The following PLEKHA7 variants were observed in gnomAD, a reference collection of about 807,000 sequenced individuals.
PLEKHA7 encodes pleckstrin homology domain containing A7, also known as pleckstrin homology domain-containing family A member 7.
Under a neutral mutation model 170.0 loss-of-function variants are expected in PLEKHA7, and 104 were observed. The observed-to-expected ratio is 0.61, with a 90% CI of 0.52 to 0.72. The LOEUF (loss-of-function observed/expected upper bound fraction) is 0.72. Among genes scored for constraint, PLEKHA7 ranks in the 30% least tolerant of loss-of-function variants. The pLI is 0.00. For synonymous variants in PLEKHA7, 648 were observed against 660.8 expected, an observed-to-expected ratio of 0.98 and a Z score of 0.30; for missense variants, 1,615 against 1,671.7, an observed-to-expected ratio of 0.97 and a Z score of 0.59.
At chr11:16,855,980 C>G (rs1853417965) in intron 4 of PLEKHA7, 66 bp from the exon 5 acceptor site, 11 of 1,339,146 alleles carry the variant, frequency 8.2e-6, no homozygotes, top group Middle Eastern at 1.8e-4. Flanking sequence ...GCAGTAAGAT[C>G]AGTTCCAGGT....
chr11:16,867,193 C>T (rs1854464347), intron 4 of PLEKHA7, among the ~76,000 whole-genome samples: 5 of 152,194 alleles, frequency 3.3e-5, no homozygotes, highest in Admixed American at 2.6e-4. Context: ...TAAACTCTTA[C>T]CTGCATCAGA....
chr11:16,928,918 TAAATA>T lies in PLEKHA7; in HGVS notation c.222-57741_222-57737del, dbSNP rs563147256. 1.7e-3 allele frequency among the ~76,000 whole-genome samples: 263 copies of T among 152,210 alleles called. 1 individual carries two copies. Among genetic ancestry groups the T allele is most frequent in the African/African-American group, 5.9e-3 (246 of 41,518 alleles). ...AAAGTTCAGTTAATAAATAAATAAA[TAAATA>T]AAAGACTACTAGAGGGATATTTACC... On this transcript the variant is annotated intron_variant, in intron 3 of 26. Coordinates refer to ENST00000531066, the MANE Select transcript of PLEKHA7 (RefSeq NM_001329630.2).
At chr11:16,779,378 T>C (rs1233437660) in intron 26 of PLEKHA7, among the ~76,000 whole-genome samples, 1 of 152,210 alleles carries the variant, frequency 6.6e-6, no homozygotes, top group Non-Finnish European at 1.5e-5. Context: ...ATGGTGGTCA[T>C]ACCCACTTCT....
At chr11:16,783,576 G>A (rs1428143899) in intron 25 of PLEKHA7, 124 bp downstream of exon 25, 3 of 1,112,804 alleles carry the variant, frequency 2.7e-6, no homozygotes, top group Non-Finnish European at 3.5e-6. Context: ...CAATGAGTAG[G>A]GCTTACCTGA....
At chr11:16,887,296 C>T (rs968518582) in intron 3 of PLEKHA7, among the ~76,000 whole-genome samples, 3 of 120,310 alleles carry the variant, frequency 2.5e-5, no homozygotes, top group Non-Finnish European at 5.9e-5. Context: ...AAAATATAAA[C>T]CTCAACCTCT....
At chr11:16,931,378 C>A (rs2136326509) in intron 3 of PLEKHA7, among the ~76,000 whole-genome samples, 1 of 152,256 alleles carries the variant, frequency 6.6e-6, no homozygotes, top group South Asian at 2.1e-4. Flanking sequence ...ATATACCTGT[C>A]TACCTTTACC....
chr11:16,824,940 T>C (rs773670721), intron 10 of PLEKHA7, among the ~76,000 whole-genome samples: 2 of 152,098 alleles, frequency 1.3e-5, no homozygotes, highest in Admixed American at 6.5e-5. Context: ...CCTCAGACAG[T>C]AGCTTTCTGT....
chr11:16,863,099 A>G (rs934825396), intron 4 of PLEKHA7, among the ~76,000 whole-genome samples: 2 of 152,146 alleles, frequency 1.3e-5, no homozygotes, highest in African/African-American at 4.8e-5. Flanking sequence ...TGCAGAAGGA[A>G]TAGGAGACAG....
At chr11:16,903,731 GA>G (rs1857483485) in intron 3 of PLEKHA7, among the ~76,000 whole-genome samples, 1 of 152,192 alleles carries the variant, frequency 6.6e-6, no homozygotes, top group Admixed American at 6.5e-5. Flanking sequence ...CCTCCAGGCA[GA>G]AATAGAGACA....
At chr11:16,984,822 T>A (rs531174505) in intron 3 of PLEKHA7, among the ~76,000 whole-genome samples, 1 of 152,322 alleles carries the variant, frequency 6.6e-6, no homozygotes, top group East Asian at 1.9e-4. Flanking sequence ...ACTCAATAAA[T>A]ATTCATTTAA....
chr11:16,887,055 T>G (rs937072857), intron 3 of PLEKHA7, among the ~76,000 whole-genome samples: 1 of 151,720 alleles, frequency 6.6e-6, no homozygotes, highest in African/African-American at 2.4e-5. Flanking sequence ...GTTGAGAAAA[T>G]TGAAAAACAA....
intron 3 of PLEKHA7, among the ~76,000 whole-genome samples, chr11:16,947,534 T>G (rs9737506): frequency 6.7e-6 from 1 of 148,612 alleles, no homozygotes; most frequent in Non-Finnish European, 1.5e-5. Flanking sequence ...GAGGTTGCAG[T>G]GAGCTGAGAT....
At chr11:16,801,435 T>C (rs1848589715) in intron 16 of PLEKHA7, among the ~76,000 whole-genome samples, 1 of 152,216 alleles carries the variant, frequency 6.6e-6, no homozygotes, top group African/African-American at 2.4e-5. Flanking sequence ...CCACTGGGTG[T>C]CACTGGCCTT....
chr11:16,887,015 A>G (rs1379135268), intron 3 of PLEKHA7, among the ~76,000 whole-genome samples: 1 of 152,164 alleles, frequency 6.6e-6, no homozygotes, highest in Non-Finnish European at 1.5e-5. Flanking sequence ...AGGAGCTATA[A>G]CTTCTCAGTT....
At chr11:16,970,736 C>A (rs7942983) in intron 3 of PLEKHA7, among the ~76,000 whole-genome samples, 1,797 of 151,934 alleles carry the variant, frequency 0.012, 35 homozygotes, top group African/African-American at 0.04. Flanking sequence ...GAACAATTAA[C>A]GAGGAATTGT....
At chr11:17,007,715 G>A (rs10832720) in intron 3 of PLEKHA7, among the ~76,000 whole-genome samples, 96,257 of 151,520 alleles carry the variant, frequency 0.64, 31,202 homozygotes, top group East Asian at 0.96. Context: ...CTGGGACTAT[G>A]GCCATGCACC....
chr11:16,779,126 C>A, intron 26 of PLEKHA7, 106 bp from the exon 27 acceptor site: 1 of 690,790 alleles, frequency 1.4e-6, no homozygotes, highest in Admixed American at 2.0e-5. Context: ...AGCAGCAGAG[C>A]AGGGGGCTCT....
chr11:16,864,194 T>C (rs1229174783), intron 4 of PLEKHA7, among the ~76,000 whole-genome samples: 2 of 152,128 alleles, frequency 1.3e-5, no homozygotes, highest in Non-Finnish European at 2.9e-5. Context: ...CCACTTACTC[T>C]CTGTGTGACC....
At chr11:17,011,318 C>T (rs1188591210) in intron 3 of PLEKHA7, among the ~76,000 whole-genome samples, 2 of 152,286 alleles carry the variant, frequency 1.3e-5, no homozygotes, top group East Asian at 3.9e-4. Flanking sequence ...GCAACTGCCC[C>T]GTCTCTTTAC....
Sources: gnomAD v4.1 joint callset for allele counts (sites outside exome capture counted in the v4.1 genomes callset) on GRCh38, gnomAD v4.1.1 for gene constraint, MANE v1.5 for transcripts, NCBI Gene and HGNC (gene_info 2026-07-23, HGNC 2026-07-21) for gene names.